ABCA10: variants seen among roughly 807,000 people sequenced by gnomAD.
ABCA10 encodes the protein ATP-binding cassette sub-family A member 10.
ABCA10 carries 169 observed loss-of-function variants against 187.5 expected under a neutral mutation model. That is an observed-to-expected ratio of 0.90 (90% confidence interval 0.80 to 1.02). The LOEUF (loss-of-function observed/expected upper bound fraction) is 1.02. Ranked by LOEUF, ABCA10 falls within the 50% of genes least tolerant of loss-of-function variation. The probability of loss-of-function intolerance (pLI) is 0.00; values close to 1 mark genes in which losing one functional copy is unlikely to be tolerated. For missense variants in ABCA10, 1,727 were observed against 1,812.4 expected (o/e 0.95, Z 0.86); for synonymous variants, 574 against 601.8 (o/e 0.95, Z 0.68).
chr17:69,180,461 A>G (rs1047027880), intron 22 of ABCA10, among the ~76,000 whole-genome samples: 2 of 152,184 alleles, frequency 1.3e-5, no homozygotes, highest in African/African-American at 4.8e-5. Flanking sequence ...GCATTAAAGC[A>G]TCTGCTGAAA....
At chr17:69,190,577 G>T in intron 17 of ABCA10, 100 bp from the exon 18 acceptor site, 1 of 1,112,576 alleles carries the variant, frequency 9.0e-7, no homozygotes, top group East Asian at 3.2e-5. Flanking sequence ...GTCTACAAAT[G>T]TTTTCATATT....
chr17:69,214,615 C>A (rs557647017), intron 9 of ABCA10, 89 bp downstream of exon 9: 1 of 1,168,826 alleles, frequency 8.6e-7, no homozygotes, highest in Non-Finnish European at 1.1e-6. Context: ...ATCAGAAATG[C>A]TTCTTAAGTT....
intron 36 of ABCA10, among the ~76,000 whole-genome samples, chr17:69,151,197 T>C (rs2074125546): frequency 6.6e-6 from 1 of 152,188 alleles, no homozygotes; most frequent in Non-Finnish European, 1.5e-5. Context: ...TTGACATTTG[T>C]AGAATTCATT....
chr17:69,193,925 ATTCT>A lies in ABCA10; in HGVS notation c.1406_1409del (p.Lys469IlefsTer17), dbSNP rs1276869833. The A allele has an allele frequency of 2.5e-6, 4 of 1,612,268 alleles. No individual in the cohort carries two copies. The highest frequency in any genetic ancestry group is 1.3e-5 in the African/African-American group (1 of 74,820). ...AATTGAACTGTGGACAAAATCCAAT[ATTCT>A]TTCTAATTTCTTCCATGTCAGTTAT... On this transcript the variant is annotated frameshift_variant, in exon 13 of 39. Transcript: ENST00000690296. LOFTEE classifies it high-confidence loss of function.
intron 35 of ABCA10, 31 bp downstream of exon 35, chr17:69,152,331 T>C (rs2074135517): frequency 6.2e-7 from 1 of 1,604,402 alleles, no homozygotes; most frequent in Admixed American, 1.7e-5. Context: ...AAGAACATGC[T>C]AGTCCCATGC....
chr17:69,222,470 A>C (rs1214715220), intron 4 of ABCA10, 63 bp downstream of exon 4: 1 of 1,306,856 alleles, frequency 7.7e-7, no homozygotes. Context: ...CCTATCAGTC[A>C]TTCCAAACAG....
intron 1 of ABCA10, among the ~76,000 whole-genome samples, chr17:69,242,311 G>T (rs973997003): frequency 1.3e-4 from 20 of 152,146 alleles, no homozygotes; most frequent in African/African-American, 4.8e-4. Context: ...ACAAAGATAT[G>T]TTAATAAATA....
intron 9 of ABCA10, among the ~76,000 whole-genome samples, chr17:69,211,682 G>A (rs761604178): frequency 3.3e-5 from 5 of 151,692 alleles, no homozygotes; most frequent in Non-Finnish European, 4.4e-5. Context: ...GTCTGTTCAG[G>A]GTTTCTATTT....
chr17:69,218,087 T>C (rs919046571), intron 6 of ABCA10, among the ~76,000 whole-genome samples: 6 of 152,166 alleles, frequency 3.9e-5, no homozygotes, highest in Non-Finnish European at 5.9e-5. Context: ...ACACACTGTA[T>C]ACATGTATCA....
chr17:69,173,574 G>A (rs1222616222), intron 25 of ABCA10, among the ~76,000 whole-genome samples: 1 of 152,166 alleles, frequency 6.6e-6, no homozygotes, highest in South Asian at 2.1e-4. Flanking sequence ...AACTAAGGGC[G>A]TGCCTAAGAT....
chr17:69,194,564 A>G (rs1014013390), intron 11 of ABCA10, 69 bp from the exon 12 acceptor site: 31 of 1,063,826 alleles, frequency 2.9e-5, no homozygotes, highest in Non-Finnish European at 3.7e-5. Context: ...TTAAAATTGG[A>G]AAAGTAAAAT....
chr17:69,215,625 T>C, intron 8 of ABCA10, 190 bp downstream of exon 8: 1 of 499,872 alleles, frequency 2.0e-6, no homozygotes, highest in African/African-American at 2.0e-5. Flanking sequence ...GCTAGGATTT[T>C]ACAAATGATC....
intron 27 of ABCA10, among the ~76,000 whole-genome samples, chr17:69,158,576 T>C (rs1197280830): frequency 6.6e-6 from 1 of 151,874 alleles, no homozygotes; most frequent in East Asian, 1.9e-4. Context: ...AAACCTTAAA[T>C]GCAGATAAAC....
At chr17:69,239,320 A>G (rs1461905301) in intron 1 of ABCA10, among the ~76,000 whole-genome samples, 1 of 152,238 alleles carries the variant, frequency 6.6e-6, no homozygotes, top group Non-Finnish European at 1.5e-5. Flanking sequence ...CTATTTTTAA[A>G]AAGAATGGTT....
intron 29 of ABCA10, among the ~76,000 whole-genome samples, chr17:69,155,401 T>A (rs548652665): frequency 3.2e-4 from 48 of 152,360 alleles, no homozygotes; most frequent in African/African-American, 1.2e-3. Context: ...AACAATTTCA[T>A]TCCCAGTTTA....
chr17:69,230,524 T>C (rs1215602590), upstream of ABCA10, among the ~76,000 whole-genome samples: 1 of 152,108 alleles, frequency 6.6e-6, no homozygotes, highest in Non-Finnish European at 1.5e-5. Flanking sequence ...TATACAGTTC[T>C]GCTACAGAGT....
intron 27 of ABCA10, among the ~76,000 whole-genome samples, chr17:69,162,194 G>C (rs189636673): frequency 2.0e-4 from 31 of 152,328 alleles, no homozygotes; most frequent in African/African-American, 7.2e-4. Flanking sequence ...AAACACATGG[G>C]ATCGAGATTC....
intron 28 of ABCA10, among the ~76,000 whole-genome samples, chr17:69,156,587 G>C (rs190981676): frequency 2.2e-4 from 34 of 152,034 alleles, no homozygotes; most frequent in African/African-American, 8.0e-4. Context: ...TTGAGGTCAG[G>C]GGTTTGAGAC....
At chr17:69,227,752 T>C (rs2074805477) in intron 1 of ABCA10, among the ~76,000 whole-genome samples, 1 of 151,984 alleles carries the variant, frequency 6.6e-6, no homozygotes, top group Non-Finnish European at 1.5e-5. Context: ...GCACATGTAT[T>C]TGATATCTTG....
Sources: allele counts gnomAD v4.1 joint callset (sites outside exome capture counted in the v4.1 genomes callset), GRCh38; gene constraint gnomAD v4.1.1; transcripts MANE v1.5; gene names NCBI Gene and HGNC (gene_info 2026-07-23, HGNC 2026-07-21).